Variants in RNPC3 observed in about 807,000 individuals in gnomAD.
The protein encoded by RNPC3 is RNA-binding region-containing protein 3.
RNPC3 carries 48 observed loss-of-function variants against 67.5 expected under a neutral mutation model. The ratio of observed to expected loss-of-function variants is 0.71; its 90% CI spans 0.56 to 0.90. RNPC3 has a LOEUF of 0.90. RNPC3 is among the 40% of genes least tolerant of loss of function. The probability of loss-of-function intolerance (pLI) is 0.00; values close to 1 mark genes in which losing one functional copy is unlikely to be tolerated. For synonymous variants in RNPC3, 239 were observed against 210.3 expected (o/e 1.14, Z -1.18); for missense variants, 637 against 626.1 (o/e 1.02, Z -0.19).
intron 9 of RNPC3, 67 bp downstream of exon 9, chr1:103,543,514 T>C (rs1465112673): frequency 1.8e-6 from 2 of 1,135,098 alleles, no homozygotes; most frequent in East Asian, 3.1e-5. Context: ...GTTTTACATA[T>C]AATGTTTCAT....
At chr1:103,546,575 T>C (rs1651249577) in intron 11 of RNPC3, 1 of 348,908 alleles carries the variant, frequency 2.9e-6, no homozygotes, top group African/African-American at 2.1e-5. Flanking sequence ...TATGTATTAA[T>C]TTCCTAGGGC....
intron 2 of RNPC3, 45 bp downstream of exon 2, chr1:103,527,787 T>TA (rs1650754979): frequency 7.4e-7 from 1 of 1,345,660 alleles, no homozygotes; most frequent in East Asian, 2.5e-5. Context: ...AGGATCCTCT[T>TA]ATACAATCTT....
At chr1:103,538,238 CA>C (rs896228148) in intron 7 of RNPC3, among the ~76,000 whole-genome samples, 5 of 152,280 alleles carry the variant, frequency 3.3e-5, no homozygotes, top group African/African-American at 1.2e-4. Flanking sequence ...GAGATGAAGT[CA>C]AATAAAGACA....
chr1:103,541,732 T>C (rs1037421814), intron 8 of RNPC3, among the ~76,000 whole-genome samples: 2 of 152,098 alleles, frequency 1.3e-5, no homozygotes, highest in African/African-American at 4.8e-5. Flanking sequence ...ACTTAAGATA[T>C]TGTCGAAAAC....
At chr1:103,548,100 G>A (rs1413723998) in intron 12 of RNPC3, among the ~76,000 whole-genome samples, 1 of 152,154 alleles carries the variant, frequency 6.6e-6, no homozygotes, top group Non-Finnish European at 1.5e-5. Flanking sequence ...CCTGGGCCCG[G>A]CCCACAAAAT....
At chr1:103,540,184 A>T (rs1651091107) in intron 7 of RNPC3, among the ~76,000 whole-genome samples, 1 of 152,184 alleles carries the variant, frequency 6.6e-6, no homozygotes, top group Non-Finnish European at 1.5e-5. Context: ...TTGCTTTCTG[A>T]TGTTTCCATG....
At chr1:103,526,736 G>A (rs1377775575) in intron 1 of RNPC3, among the ~76,000 whole-genome samples, 1 of 152,180 alleles carries the variant, frequency 6.6e-6, no homozygotes, top group Non-Finnish European at 1.5e-5. Flanking sequence ...ACTAGAAAAA[G>A]AGGCTTTTCA....
chr1:103,542,870 T>G (rs550422118), intron 8 of RNPC3, among the ~76,000 whole-genome samples: 16 of 151,932 alleles, frequency 1.1e-4, no homozygotes, highest in African/African-American at 3.9e-4. Flanking sequence ...ATATTTCATC[T>G]GTTTCTTTTC....
rs139230223 is a variant in RNPC3 at position 103,535,026 on chromosome 1, A to C, written c.443+169A>C. ...TTATTGCAAATAAGATAATTTTAAA[A>C]ACAAAGATATTTAATGTCATGCATA... On this transcript the variant is annotated intron_variant, in intron 4 of 14. Transcript: ENST00000423855. Among the ~76,000 whole-genome samples the C allele has an allele frequency of 7.3e-4, 111 of 152,108 alleles. 1 individual carries two copies. The highest frequency in any genetic ancestry group is 2.6e-3 in the African/African-American group (108 of 41,550).
intron 2 of RNPC3, among the ~76,000 whole-genome samples, chr1:103,532,161 GTTCTC>G (rs1406292660): frequency 6.6e-6 from 1 of 152,070 alleles, no homozygotes; most frequent in Admixed American, 6.5e-5. Flanking sequence ...TTATTTCTGT[GTTCTC>G]TATTCTGTTC....
Position 103,549,272 on chromosome 1 carries a change from A to G in RNPC3, c.1362-1669A>G, listed in dbSNP as rs544627642. Among the ~76,000 whole-genome samples the G allele has an allele frequency of 3.9e-5, 6 of 152,358 alleles. No individual in the cohort carries two copies. The East Asian group carries it at 1.2e-3, about 29-fold the overall frequency. ...AGAGGCTTTTGAGTGCAGATAAAAT[A>G]AAGAAGTGACTATAACTAAATTTTG... On this transcript the variant is annotated intron_variant, in intron 12 of 14. Coordinates refer to ENST00000423855, the MANE Select transcript of RNPC3 (RefSeq NM_017619.4).
intron 3 of RNPC3, among the ~76,000 whole-genome samples, chr1:103,534,544 A>G (rs1650936447): frequency 6.6e-6 from 1 of 151,964 alleles, no homozygotes; most frequent in Non-Finnish European, 1.5e-5. Flanking sequence ...GAAAATGTGT[A>G]GTGCTCAATG....
Position 103,526,228 on chromosome 1 carries a change from A to T in RNPC3, c.158A>T (p.Gln53Leu), listed in dbSNP as rs780787927. 6 of 1,551,142 alleles carry T rather than the reference A, an allele frequency of 3.9e-6. No individual in the cohort carries two copies. The South Asian group carries it at 7.1e-5, about 18-fold the overall frequency. ...GACTTGCTGAAGTACTTCGGGGCTC[A>T]GTCTGTGCGGGTCCTGTCAGATAAG... ...KEDLLKYFGA[Q>L]SVRVLSDKGR... The change falls in exon 1 of 15, where the codon CAG becomes CTG. Residue 53 changes from glutamine (Q) to leucine (L), a missense_variant. Gln to Leu is a moderately radical substitution (Grantham distance 113). Coordinates refer to ENST00000423855, the MANE Select transcript of RNPC3 (RefSeq NM_017619.4).
At chr1:103,541,005 G>A (rs554947718) in intron 7 of RNPC3, among the ~76,000 whole-genome samples, 2 of 152,038 alleles carry the variant, frequency 1.3e-5, no homozygotes, top group East Asian at 1.9e-4. Flanking sequence ...ATATTATATC[G>A]ATTTTATTAT....
chr1:103,529,872 A>G (rs1216367567), intron 2 of RNPC3, among the ~76,000 whole-genome samples: 1 of 152,108 alleles, frequency 6.6e-6, no homozygotes, highest in Non-Finnish European at 1.5e-5. Context: ...AGGCTGAGGA[A>G]GCTTTATCTC....
chr1:103,538,768 G>A (rs563552037), intron 7 of RNPC3, among the ~76,000 whole-genome samples: 1 of 152,128 alleles, frequency 6.6e-6, no homozygotes, highest in South Asian at 2.1e-4. Context: ...TAATTCTTTA[G>A]GATTTCATAC....
chr1:103,546,941 G>A, intron 11 of RNPC3, 36 bp from the exon 12 acceptor site: 1 of 1,103,122 alleles, frequency 9.1e-7, no homozygotes, highest in East Asian at 2.6e-5. Flanking sequence ...TTTTCCCCTG[G>A]CTTTGTTATT....
At chr1:103,545,489 A>G (rs1183787145) in intron 10 of RNPC3, 1 of 156,080 alleles carries the variant, frequency 6.4e-6, no homozygotes, top group South Asian at 1.9e-4. Flanking sequence ...GTGATTAGAA[A>G]TACATGATTT....
At chr1:103,546,592 G>A (rs1056296928) in intron 11 of RNPC3, 4 of 329,800 alleles carry the variant, frequency 1.2e-5, no homozygotes, top group Non-Finnish European at 2.2e-5. Context: ...GGGCTAAGTG[G>A]CTGAAACAAC....
Sources: gnomAD v4.1 joint callset for allele counts (sites outside exome capture counted in the v4.1 genomes callset) on GRCh38, gnomAD v4.1.1 for gene constraint, MANE v1.5 for transcripts, NCBI Gene and HGNC (gene_info 2026-07-23, HGNC 2026-07-21) for gene names.